HPSE2: variants seen among roughly 807,000 people sequenced by gnomAD.
HPSE2 encodes the protein heparanase 2 (inactive).
Under a neutral mutation model 60.5 loss-of-function variants are expected in HPSE2, and 38 were observed. That is an observed-to-expected ratio of 0.63 (90% CI 0.48 to 0.82). HPSE2 has a LOEUF of 0.82. HPSE2 is among the 40% of genes least tolerant of loss of function. The pLI, the probability that HPSE2 is intolerant of heterozygous loss-of-function variation, is 0.00. For missense variants in HPSE2, 713 were observed against 740.4 expected (o/e 0.96, Z 0.43); for synonymous variants, 295 against 293.2 (o/e 1.01, Z -0.06).
intron 3 of HPSE2, among the ~76,000 whole-genome samples, chr10:98,820,846 A>G (rs577427082): frequency 6.6e-6 from 1 of 152,282 alleles, no homozygotes; most frequent in African/African-American, 2.4e-5. Flanking sequence ...CTCACTGTCT[A>G]TGTTCTTCAT....
intron 3 of HPSE2, among the ~76,000 whole-genome samples, chr10:99,119,510 T>C (rs943467084): frequency 3.3e-5 from 5 of 152,220 alleles, no homozygotes; most frequent in Admixed American, 1.3e-4. Context: ...AAAATGGTCA[T>C]ACTGCCCAAA....
chr10:98,895,719 A>T (rs1426348759), intron 3 of HPSE2, among the ~76,000 whole-genome samples: 1 of 151,382 alleles, frequency 6.6e-6, no homozygotes, highest in Non-Finnish European at 1.5e-5. Flanking sequence ...GATTAAGAAA[A>T]TGTGGCACAT....
At chr10:99,073,558 C>T (rs1038014946) in intron 3 of HPSE2, among the ~76,000 whole-genome samples, 9 of 152,162 alleles carry the variant, frequency 5.9e-5, no homozygotes, top group Non-Finnish European at 8.8e-5. Context: ...TTGATAGGTG[C>T]GGCAAACCAC....
intron 9 of HPSE2, among the ~76,000 whole-genome samples, chr10:98,508,347 A>C (rs1015314912): frequency 2.0e-5 from 3 of 152,222 alleles, no homozygotes; most frequent in African/African-American, 7.2e-5. Flanking sequence ...TAAATAGGAA[A>C]AGAGAAACTG....
intron 3 of HPSE2, among the ~76,000 whole-genome samples, chr10:98,780,523 A>G (rs1950441379): frequency 1.3e-5 from 2 of 152,190 alleles, no homozygotes; most frequent in South Asian, 2.1e-4. Context: ...TTAAAAATCA[A>G]TAGCAGTTTT....
intron 3 of HPSE2, among the ~76,000 whole-genome samples, chr10:99,012,409 A>G (rs1482960777): frequency 6.6e-6 from 1 of 152,058 alleles, no homozygotes; most frequent in Non-Finnish European, 1.5e-5. Flanking sequence ...ATAGATACAC[A>G]ATATCATGCT....
At chr10:99,288,818 T>C in the HPSE2 span, among the ~76,000 whole-genome samples, 1 of 148,170 alleles carries the variant, frequency 6.7e-6, no homozygotes, top group Non-Finnish European at 1.5e-5. Flanking sequence ...GGAAACATAA[T>C]GGAGAATCTG....
At chr10:99,099,523 G>A (rs1404914326) in intron 3 of HPSE2, among the ~76,000 whole-genome samples, 1 of 152,238 alleles carries the variant, frequency 6.6e-6, no homozygotes, top group Non-Finnish European at 1.5e-5. Context: ...ACCCACCACA[G>A]CTAAAGGAAG....
At chr10:98,940,296 T>C (rs1424020641) in intron 3 of HPSE2, among the ~76,000 whole-genome samples, 1 of 143,718 alleles carries the variant, frequency 7.0e-6, no homozygotes, top group Non-Finnish European at 1.5e-5. Context: ...ATCCAGGAGC[T>C]GGTTTTTTGA....
intron 6 of HPSE2, among the ~76,000 whole-genome samples, chr10:98,659,883 GA>G (rs1378127175): frequency 2.0e-5 from 3 of 152,202 alleles, no homozygotes; most frequent in African/African-American, 7.2e-5. Context: ...AAGAGGAAAG[GA>G]AAGCTGATAA....
At chr10:99,030,990 T>C (rs995399057) in intron 3 of HPSE2, among the ~76,000 whole-genome samples, 5 of 151,276 alleles carry the variant, frequency 3.3e-5, no homozygotes, top group Admixed American at 6.6e-5. Flanking sequence ...CTGAAAAGAG[T>C]AGTGAGGTGG....
chr10:98,861,450 C>T (rs1183935551), intron 3 of HPSE2, among the ~76,000 whole-genome samples: 2 of 152,080 alleles, frequency 1.3e-5, no homozygotes, highest in African/African-American at 2.4e-5. Context: ...AAAGATGAAG[C>T]TCTAGAATCC....
intron 3 of HPSE2, among the ~76,000 whole-genome samples, chr10:99,036,250 A>G (rs1053238487): frequency 6.6e-6 from 1 of 152,044 alleles, no homozygotes; most frequent in Non-Finnish European, 1.5e-5. Flanking sequence ...AAATAAATAA[A>G]TATGATTCTA....
chr10:98,969,282 A>G (rs1467829825), intron 3 of HPSE2, among the ~76,000 whole-genome samples: 3 of 152,134 alleles, frequency 2.0e-5, no homozygotes, highest in African/African-American at 7.2e-5. Context: ...CATAAAGTCA[A>G]GTTTATGTAA....
At chr10:98,485,331 G>A (rs1941399510) in intron 10 of HPSE2, among the ~76,000 whole-genome samples, 2 of 152,198 alleles carry the variant, frequency 1.3e-5, no homozygotes, top group African/African-American at 4.8e-5. Context: ...CCTGCTGGCT[G>A]TGCGTCAGAA....
chr10:98,865,471 T>C lies in HPSE2; in HGVS notation c.611-121415A>G, dbSNP rs574590932. On this transcript the variant is annotated intron_variant, in intron 3 of 11. Coordinates refer to ENST00000370552, the MANE Select transcript of HPSE2 (RefSeq NM_021828.5). Reference sequence around the variant, plus strand: ...GAGCACTGTAATTTTTTCAGTTTTCTGCATTGAGAGAGTTTACAAGTCATG... The same window carrying C: ...GAGCACTGTAATTTTTTCAGTTTTCCGCATTGAGAGAGTTTACAAGTCATG... Among the ~76,000 whole-genome samples, 176 of 152,188 alleles carry C rather than the reference T, an allele frequency of 1.2e-3. 2 individuals are homozygous for C. The highest frequency in any genetic ancestry group is 4.0e-3 in the African/African-American group (168 of 41,552).
At chr10:98,490,004 G>T (rs747527356) in intron 10 of HPSE2, 47 bp downstream of exon 10, 71 of 1,611,234 alleles carry the variant, frequency 4.4e-5, no homozygotes, top group Non-Finnish European at 5.5e-5. Flanking sequence ...ATGGTATGGG[G>T]TGGGAGCCCC....
chr10:98,714,797 G>A (rs1948753415), intron 5 of HPSE2, among the ~76,000 whole-genome samples: 1 of 151,786 alleles, frequency 6.6e-6, no homozygotes, highest in African/African-American at 2.4e-5. Flanking sequence ...ATTCCCATTA[G>A]CATTGTATAC....
chr10:98,905,855 C>T (rs1285934139), intron 3 of HPSE2, among the ~76,000 whole-genome samples: 1 of 152,118 alleles, frequency 6.6e-6, no homozygotes, highest in African/African-American at 2.4e-5. Flanking sequence ...CAATGGAACA[C>T]AATGCCCTTC....
Sources: gnomAD v4.1 joint callset for allele counts (sites outside exome capture counted in the v4.1 genomes callset) on GRCh38, gnomAD v4.1.1 for gene constraint, MANE v1.5 for transcripts, NCBI Gene and HGNC (gene_info 2026-07-23, HGNC 2026-07-21) for gene names.